Variants in ANKS1A observed in about 807,000 individuals in gnomAD.
ANKS1A encodes ankyrin repeat and sterile alpha motif domain containing 1A, also known as ankyrin repeat and SAM domain-containing protein 1A.
In ANKS1A, 55 loss-of-function variants were observed where a neutral mutation model predicts 120.3. The ratio of observed to expected loss-of-function variants is 0.46; its 90% CI spans 0.37 to 0.57. The LOEUF (loss-of-function observed/expected upper bound fraction) is 0.57, where lower values mean the gene tolerates loss of function less well. ANKS1A is among the 20% of genes least tolerant of loss of function. The pLI is 0.00. For synonymous variants in ANKS1A, 590 were observed against 604.7 expected (o/e 0.98, Z 0.36); for missense variants, 1,123 against 1,480.3 (o/e 0.76, Z 3.96).
intron 23 of ANKS1A, among the ~76,000 whole-genome samples, 168 bp downstream of exon 23, chr6:35,087,217 C>T (rs992410655): frequency 6.7e-4 from 37 of 55,190 alleles, no homozygotes; most frequent in African/African-American, 1.4e-3. Flanking sequence ...GCAGCGTAGA[C>T]GCTGTACACT....
chr6:34,917,464 TC>T (rs1196610865), intron 1 of ANKS1A, among the ~76,000 whole-genome samples: 1 of 152,216 alleles, frequency 6.6e-6, no homozygotes, highest in African/African-American at 2.4e-5. Flanking sequence ...AAATTACTTA[TC>T]AAAATTCCTA....
rs546965015 is a variant in ANKS1A at position 35,089,126 on chromosome 6, G to C, written c.*517G>C. On this transcript the variant is annotated 3_prime_UTR_variant, in exon 24 of 24. Coordinates refer to ENST00000360359, the MANE Select transcript of ANKS1A (RefSeq NM_015245.3). ...AGCAGGCTCAGGCAGAATTGAGTAC[G>C]GTGCGTCTGCTTTTCAAACCCAACC... 1.3e-5 allele frequency: 13 copies of C among 1,016,868 alleles called. No homozygotes were observed. Among genetic ancestry groups the C allele is most frequent in the East Asian group, 8.7e-5 (1 of 11,480 alleles). The allele number at this position is 1,016,868 out of a possible 1,614,324, so 63.0% of individuals were successfully genotyped here.
At position 35,084,676 on chromosome 6, in the gene ANKS1A, C is replaced by T. The variant is rs1026573840; in HGVS notation, c.3132+418C>T. ...CTTAGGTCAGGCAAGGCCTTTGTTTCCCCCGGCTCCCTGCCCTAGGTCTCC... is the reference window on the plus strand; with the variant it reads ...CTTAGGTCAGGCAAGGCCTTTGTTTTCCCCGGCTCCCTGCCCTAGGTCTCC... On this transcript the variant is annotated intron_variant, in intron 21 of 23. Coordinates refer to ENST00000360359, the MANE Select transcript of ANKS1A (RefSeq NM_015245.3). The surrounding 1 kb of genome is among the most constrained non-coding windows in gnomAD (Gnocchi z 4.8). Among the ~76,000 whole-genome samples, 4 of 152,104 alleles carry T rather than the reference C, an allele frequency of 2.6e-5. No individual in the cohort carries two copies. The highest frequency in any genetic ancestry group is 9.7e-5 in the African/African-American group (4 of 41,418).
downstream of ANKS1A, among the ~76,000 whole-genome samples, chr6:35,093,497 T>C (rs1000575322): frequency 1.3e-5 from 2 of 152,168 alleles, no homozygotes; most frequent in Admixed American, 6.5e-5. Flanking sequence ...AGGATTAATA[T>C]ATTTGAGTCT....
intron 1 of ANKS1A, among the ~76,000 whole-genome samples, chr6:34,960,705 C>T (rs1770589983): frequency 6.6e-6 from 1 of 152,192 alleles, no homozygotes; most frequent in African/African-American, 2.4e-5. Flanking sequence ...ATAGGTGCCG[C>T]CGAGGTGCAT....
chr6:34,920,314 C>T (rs1324409282), intron 1 of ANKS1A, among the ~76,000 whole-genome samples: 1 of 152,074 alleles, frequency 6.6e-6, no homozygotes, highest in Non-Finnish European at 1.5e-5. Flanking sequence ...CTTTTGCGCT[C>T]AAGCAGTCCT....
chr6:35,084,617 G>A lies in ANKS1A; in HGVS notation c.3132+359G>A, dbSNP rs1401750756. 2.0e-5 allele frequency among the ~76,000 whole-genome samples: 3 copies of A among 151,520 alleles called. No homozygotes were observed. Among genetic ancestry groups the A allele is most frequent in the East Asian group, 2.0e-4 (1 of 5,104 alleles). On this transcript the variant is annotated intron_variant, in intron 21 of 23. Coordinates refer to ENST00000360359, the MANE Select transcript of ANKS1A (RefSeq NM_015245.3). This position sits in a 1 kb window ranked among gnomAD's most constrained non-coding sequence, Gnocchi z 4.8. ...AACTGGATAATAGGCGTGAGCCACC[G>A]CCCCTGACTTTCCAGCTTTTTGGCG...
the ANKS1A span, among the ~76,000 whole-genome samples, chr6:35,097,819 T>G: frequency 6.6e-6 from 1 of 152,152 alleles, no homozygotes; most frequent in Non-Finnish European, 1.5e-5. Context: ...ATGCAAACAC[T>G]GAAGAGTTAC....
chr6:34,985,883 A>G (rs1056201448), intron 8 of ANKS1A, among the ~76,000 whole-genome samples: 1 of 152,154 alleles, frequency 6.6e-6, no homozygotes, highest in Non-Finnish European at 1.5e-5. Flanking sequence ...CTCAAGGTCC[A>G]TTTTCTCATC....
At chr6:34,919,164 A>G (rs1768314086) in intron 1 of ANKS1A, among the ~76,000 whole-genome samples, 1 of 152,238 alleles carries the variant, frequency 6.6e-6, no homozygotes, top group African/African-American at 2.4e-5. Context: ...TATACACTTT[A>G]AAAGACTTGA....
At chr6:34,949,799 G>A (rs1769983168) in intron 1 of ANKS1A, among the ~76,000 whole-genome samples, 1 of 152,176 alleles carries the variant, frequency 6.6e-6, no homozygotes, top group Non-Finnish European at 1.5e-5. Context: ...CTGAAGTTGT[G>A]TGAGCAAGCT....
intron 11 of ANKS1A, among the ~76,000 whole-genome samples, chr6:35,047,283 T>C (rs1415303964): frequency 1.3e-5 from 2 of 152,240 alleles, no homozygotes; most frequent in Non-Finnish European, 2.9e-5. Context: ...TGTTCCCCTG[T>C]AGAATCTGAG....
chr6:34,966,883 C>T lies in ANKS1A; in HGVS notation c.198-356C>T, dbSNP rs1020738550. On this transcript the variant is annotated intron_variant, in intron 1 of 23. Transcript: ENST00000360359. ...GAGGTCTCTCTCAAACCTTCAGTCA[C>T]CAGTACAGGAGTGAGAGGTCAATAC... 2.6e-5 allele frequency among the ~76,000 whole-genome samples: 4 copies of T among 152,178 alleles called. No homozygotes were observed. In the South Asian group the frequency reaches 6.2e-4, roughly 24 times the overall value.
rs1329150384 is a variant in ANKS1A at position 35,086,344 on chromosome 6, G to C, written c.3303+408G>C. ...CCCACCGTCCTTCCTACCTACCGCT[G>C]CCATCTGTTAGTCCTGGAGTCAAGG... On this transcript the variant is annotated intron_variant, in intron 22 of 23. Coordinates refer to ENST00000360359, the MANE Select transcript of ANKS1A (RefSeq NM_015245.3). This position sits in a 1 kb window ranked among gnomAD's most constrained non-coding sequence, Gnocchi z 5.1. 1 of 1,299,040 alleles carries C rather than the reference G, an allele frequency of 7.7e-7. No individual in the cohort carries two copies. The highest frequency in any genetic ancestry group is 1.0e-6 in the Non-Finnish European group (1 of 995,582). 80.5% of individuals were successfully genotyped at this position (1,299,040 alleles called of 1,614,324 possible). A position where few individuals can be genotyped will look rare whatever the true frequency, so the allele number is the denominator to read the frequency against.
At chr6:34,950,491 A>C (rs1194279286) in intron 1 of ANKS1A, among the ~76,000 whole-genome samples, 1 of 151,954 alleles carries the variant, frequency 6.6e-6, no homozygotes, top group African/African-American at 2.4e-5. Flanking sequence ...AGTCTCCCAA[A>C]GTGTTGGGAT....
rs776732903 is a variant in ANKS1A, at chr6:35,086,922, C to G, written c.3304-30C>G. 3.1e-6 allele frequency: 5 copies of G among 1,611,024 alleles called. No homozygotes were observed. The African/African-American group carries it at 5.3e-5, about 17-fold the overall frequency. On this transcript the variant is annotated intron_variant, in intron 22 of 23. Transcript: ENST00000360359. The surrounding 1 kb of genome is among the most constrained non-coding windows in gnomAD (Gnocchi z 5.1). ...CTCCAGCCCTGGCACAGAGCTCCCT[C>G]TGACTCTTGACTGCTTCCTTGTTTG...
Position 35,084,333 on chromosome 6 carries a change from C to CA in ANKS1A, c.3132+76dup. The stretch of plus-strand genomic sequence containing the variant: ...AGGCGTCCAGCCCCATTGCAGGGCA[C>CA]AGATGCGGCGCTGTCCTGGCCCCTG... On this transcript the variant is annotated intron_variant, in intron 21 of 23. Transcript: ENST00000360359. This position sits in a 1 kb window ranked among gnomAD's most constrained non-coding sequence, Gnocchi z 4.8. 1 of 1,566,918 alleles carries CA rather than the reference C, an allele frequency of 6.4e-7. No individual in the cohort carries two copies. Among genetic ancestry groups the CA allele is most frequent in the Non-Finnish European group, 8.6e-7 (1 of 1,157,144 alleles).
intron 11 of ANKS1A, among the ~76,000 whole-genome samples, chr6:35,037,728 A>C (rs1040548251): frequency 2.6e-5 from 4 of 152,098 alleles, no homozygotes; most frequent in Non-Finnish European, 4.4e-5. Flanking sequence ...AGCCTAAGAG[A>C]ATCCTCAGTC....
intron 18 of ANKS1A, 114 bp from the exon 19 acceptor site, chr6:35,083,041 G>A: frequency 1.5e-6 from 2 of 1,369,584 alleles, no homozygotes; most frequent in East Asian, 2.4e-5. Context: ...AGGAGAGGGG[G>A]TGTTGTTATT....
Sources: allele counts gnomAD v4.1 joint callset (sites outside exome capture counted in the v4.1 genomes callset), GRCh38; gene constraint gnomAD v4.1.1; non-coding constraint Gnocchi (gnomAD v3.1); transcripts MANE v1.5; gene names NCBI Gene and HGNC (gene_info 2026-07-23, HGNC 2026-07-21).